Variants in ARHGAP6 observed in about 807,000 individuals in gnomAD.
The protein encoded by ARHGAP6 is Rho GTPase activating protein 6, also known as rho GTPase-activating protein 6.
A neutral mutation model predicts 55.7 loss-of-function variants in ARHGAP6; 16 were observed. The ratio of observed to expected loss-of-function variants is 0.29; its 90% CI spans 0.19 to 0.44. ARHGAP6 has a LOEUF of 0.44. Ranked by LOEUF, ARHGAP6 falls within the 20% of genes least tolerant of loss-of-function variation. The pLI is 1.00. For synonymous variants in ARHGAP6, 382 were observed against 360.9 expected (o/e 1.06, Z -0.66); for missense variants, 698 against 808.9 (o/e 0.86, Z 1.66).
At chrX:11,482,001 A>C (rs1193789389) in intron 1 of ARHGAP6, among the ~76,000 whole-genome samples, 2 of 112,586 alleles carry the variant, frequency 1.8e-5, no homozygotes, top group Non-Finnish European at 3.7e-5. Context: ...ATTTCCCCCA[A>C]TTTAGCAGGT....
chrX:11,514,161 C>CAAAAAA (rs1156613318), intron 1 of ARHGAP6, among the ~76,000 whole-genome samples: 1 of 35,778 alleles, frequency 2.8e-5, no homozygotes, highest in Non-Finnish European at 4.6e-5. Flanking sequence ...AACCCTGTCT[C>CAAAAAA]AAAAAAAAAA....
At chrX:11,247,586 C>A (rs1307537651) in intron 2 of ARHGAP6, among the ~76,000 whole-genome samples, 1 of 112,136 alleles carries the variant, frequency 8.9e-6, no homozygotes, top group Non-Finnish European at 1.9e-5. Context: ...AATGAATGAG[C>A]ATGGCTGTGT....
chrX:11,158,705 C>A, intron 9 of ARHGAP6, among the ~76,000 whole-genome samples: 1 of 112,210 alleles, frequency 8.9e-6, no homozygotes, highest in Non-Finnish European at 1.9e-5. Flanking sequence ...TCTCCCCTAG[C>A]AGTCATTCCA....
chrX:11,444,136 T>C (rs911175064), intron 1 of ARHGAP6, among the ~76,000 whole-genome samples: 1 of 111,699 alleles, frequency 9.0e-6, no homozygotes, highest in African/African-American at 3.3e-5. Context: ...AGAGACCACA[T>C]TTTAGACTTC....
chrX:11,452,252 A>G (rs1202150406), intron 1 of ARHGAP6, among the ~76,000 whole-genome samples: 3 of 111,910 alleles, frequency 2.7e-5, no homozygotes, highest in Non-Finnish European at 5.6e-5. Flanking sequence ...GGTTCAAGTG[A>G]TTCTCCTGCC....
chrX:11,270,287 T>C (rs1387957500), intron 1 of ARHGAP6, among the ~76,000 whole-genome samples: 2 of 111,713 alleles, frequency 1.8e-5, no homozygotes, highest in Admixed American at 1.9e-4. Context: ...ACAAAGTAAG[T>C]ATGACACAGA....
At chrX:11,391,484 A>G (rs1296971433) in intron 1 of ARHGAP6, among the ~76,000 whole-genome samples, 2 of 100,010 alleles carry the variant, frequency 2.0e-5, no homozygotes, top group Non-Finnish European at 4.3e-5. Flanking sequence ...AAAGAAAAGA[A>G]AAAAAAAAGC....
chrX:11,619,290 A>G (rs1233374525), intron 1 of ARHGAP6, among the ~76,000 whole-genome samples: 1 of 112,279 alleles, frequency 8.9e-6, no homozygotes, highest in Non-Finnish European at 1.9e-5. Flanking sequence ...TGCAGCTTTA[A>G]GCAAGTCCTT....
chrX:11,146,846 T>A (rs1355836431), intron 10 of ARHGAP6, among the ~76,000 whole-genome samples: 1 of 112,078 alleles, frequency 8.9e-6, no homozygotes, highest in African/African-American at 3.2e-5. Context: ...TTACTTAGAG[T>A]TAATAGCCTT....
At chrX:11,202,424 C>G (rs2046641577) in intron 2 of ARHGAP6, among the ~76,000 whole-genome samples, 1 of 110,991 alleles carries the variant, frequency 9.0e-6, no homozygotes, top group Non-Finnish European at 1.9e-5. Context: ...GGATGCATTT[C>G]CTCTCATCTA....
chrX:11,402,859 C>A lies in ARHGAP6; in HGVS notation c.589-148152G>T, dbSNP rs182220890. On this transcript the variant is annotated intron_variant, in intron 1 of 12. Transcript: ENST00000337414. Reference sequence around the variant, plus strand: ...TCACACACTCTATTTAGGAGGTGGGCAAATCCTATTTATGTAACTCCAGAT... The same window carrying A: ...TCACACACTCTATTTAGGAGGTGGGAAAATCCTATTTATGTAACTCCAGAT... Among the ~76,000 whole-genome samples the A allele has an allele frequency of 3.6e-3, 407 of 111,543 alleles. 3 individuals are homozygous for A. Among genetic ancestry groups the A allele is most frequent in the African/African-American group, 0.012 (360 of 30,720 alleles).
chrX:11,249,700 T>C (rs1413168312), intron 2 of ARHGAP6, among the ~76,000 whole-genome samples: 1 of 112,483 alleles, frequency 8.9e-6, no homozygotes, highest in Non-Finnish European at 1.9e-5. Flanking sequence ...ATATTTTAGA[T>C]TTTCTTTTTA....
intron 1 of ARHGAP6, among the ~76,000 whole-genome samples, chrX:11,596,253 A>G (rs2051901133): frequency 8.9e-6 from 1 of 112,189 alleles, no homozygotes; most frequent in Non-Finnish European, 1.9e-5. Flanking sequence ...TAAAAAAACG[A>G]TGAGTTCATG....
intron 1 of ARHGAP6, among the ~76,000 whole-genome samples, chrX:11,433,360 G>GT (rs2049958658): frequency 8.9e-6 from 1 of 111,795 alleles, no homozygotes; most frequent in African/African-American, 3.3e-5. Flanking sequence ...GGTTTATCTT[G>GT]TTTTTTGCCG....
At chrX:11,544,477 G>T (rs983138003) in intron 1 of ARHGAP6, among the ~76,000 whole-genome samples, 12 of 112,099 alleles carry the variant, frequency 1.1e-4, no homozygotes, top group Admixed American at 1.9e-4. Context: ...AACCCTAAAG[G>T]TTGGGTTATG....
rs1360135435 is a variant in ARHGAP6 at position 11,608,167 on chromosome X, C to T, written c.588+56074G>A. On this transcript the variant is annotated intron_variant, in intron 1 of 12. Coordinates refer to ENST00000337414, the MANE Select transcript of ARHGAP6 (RefSeq NM_013427.3). ...TAGAGTAAGTAACCCTAAGGTAACC[C>T]GGCAAACATGGCAGGATTATATGAG... 4.5e-5 allele frequency among the ~76,000 whole-genome samples: 5 copies of T among 111,256 alleles called. No individual in the cohort carries two copies. The East Asian group carries it at 8.4e-4, about 19-fold the overall frequency.
intron 1 of ARHGAP6, chrX:11,367,687 G>A (rs1378881984): frequency 2.7e-6 from 1 of 376,651 alleles, no homozygotes; most frequent in Admixed American, 9.2e-5. Flanking sequence ...AACATTGATG[G>A]GGCTAAGTTT....
intron 1 of ARHGAP6, among the ~76,000 whole-genome samples, chrX:11,348,882 C>T (rs985609759): frequency 9.0e-6 from 1 of 111,127 alleles, no homozygotes; most frequent in African/African-American, 3.3e-5. Flanking sequence ...CTCCTGGGCT[C>T]AAGCAACTCT....
intron 1 of ARHGAP6, among the ~76,000 whole-genome samples, chrX:11,574,726 G>C (rs2051575394): frequency 9.3e-6 from 1 of 107,828 alleles, no homozygotes; most frequent in Non-Finnish European, 1.9e-5. Context: ...TTCTGGCCAG[G>C]GCAATTAGGC....
Sources: gnomAD v4.1 joint callset for allele counts (sites outside exome capture counted in the v4.1 genomes callset) on GRCh38, gnomAD v4.1.1 for gene constraint, MANE v1.5 for transcripts, NCBI Gene and HGNC (gene_info 2026-07-23, HGNC 2026-07-21) for gene names.